LRRC4C: variants seen among roughly 807,000 people sequenced by gnomAD.
LRRC4C encodes leucine-rich repeat-containing protein 4C.
Under a neutral mutation model 33.6 loss-of-function variants are expected in LRRC4C, and 5 were observed. That is an observed-to-expected ratio of 0.15 (90% CI 0.08 to 0.31). LRRC4C has a LOEUF of 0.31. Ranked by LOEUF, LRRC4C falls within the 10% of genes least tolerant of loss-of-function variation. The pLI, the probability that LRRC4C is intolerant of heterozygous loss-of-function variation, is 1.00. For synonymous variants in LRRC4C, 329 were observed against 302.0 expected (o/e 1.09, Z -0.93); for missense variants, 560 against 796.7 (o/e 0.70, Z 3.58).
chr11:40,854,070 G>T (rs747635384), intron 2 of LRRC4C, among the ~76,000 whole-genome samples: 2 of 152,170 alleles, frequency 1.3e-5, no homozygotes, highest in Admixed American at 6.5e-5. Flanking sequence ...CAGAAAAAAA[G>T]AATGTATCTC....
chr11:41,448,558 C>T (rs747995196), intron 1 of LRRC4C, among the ~76,000 whole-genome samples: 18 of 152,034 alleles, frequency 1.2e-4, no homozygotes, highest in Admixed American at 3.9e-4. Flanking sequence ...CATGTGCCTC[C>T]GCCTCCCAAA....
intron 4 of LRRC4C, among the ~76,000 whole-genome samples, chr11:40,277,593 A>T (rs1167125524): frequency 1.3e-5 from 2 of 152,094 alleles, no homozygotes; most frequent in Non-Finnish European, 2.9e-5. Flanking sequence ...CGGTAGTAGT[A>T]AGTAGTCCCA....
At chr11:40,769,474 A>G (rs567477543) in intron 2 of LRRC4C, among the ~76,000 whole-genome samples, 1 of 152,256 alleles carries the variant, frequency 6.6e-6, no homozygotes, top group African/African-American at 2.4e-5. Flanking sequence ...AAATAGAAAA[A>G]AAGAATCCTA....
intron 1 of LRRC4C, among the ~76,000 whole-genome samples, chr11:40,971,678 T>G (rs1253607416): frequency 3.3e-5 from 5 of 152,048 alleles, no homozygotes; most frequent in African/African-American, 1.2e-4. Flanking sequence ...CCCAGAATGG[T>G]AGATCCACTG....
chr11:40,915,244 C>A (rs1198003983), intron 2 of LRRC4C, among the ~76,000 whole-genome samples: 1 of 152,170 alleles, frequency 6.6e-6, no homozygotes, highest in Non-Finnish European at 1.5e-5. Context: ...CCAAGTCAAT[C>A]CTGAGCCAAA....
chr11:40,605,109 C>A (rs562107660), intron 3 of LRRC4C, among the ~76,000 whole-genome samples: 1 of 151,948 alleles, frequency 6.6e-6, no homozygotes, highest in East Asian at 1.9e-4. Flanking sequence ...CTGAGTATTC[C>A]GAACATTTTT....
intron 1 of LRRC4C, among the ~76,000 whole-genome samples, chr11:41,145,936 T>C (rs768545265): frequency 2.6e-5 from 4 of 152,190 alleles, no homozygotes; most frequent in Non-Finnish European, 5.9e-5. Flanking sequence ...AAATAACACA[T>C]TAGAGAATAT....
At chr11:40,900,314 A>C (rs1956148587) in intron 2 of LRRC4C, among the ~76,000 whole-genome samples, 1 of 151,992 alleles carries the variant, frequency 6.6e-6, no homozygotes, top group African/African-American at 2.4e-5. Context: ...TCATTTTCTT[A>C]ATTTATGGAA....
At chr11:40,327,221 A>G (rs1458974813) in intron 3 of LRRC4C, among the ~76,000 whole-genome samples, 2 of 152,332 alleles carry the variant, frequency 1.3e-5, no homozygotes, top group East Asian at 3.9e-4. Flanking sequence ...CCATGCAGAA[A>G]TCTGCCATTT....
At chr11:40,633,145 G>A (rs992623547) in intron 3 of LRRC4C, among the ~76,000 whole-genome samples, 4 of 152,104 alleles carry the variant, frequency 2.6e-5, no homozygotes, top group African/African-American at 7.2e-5. Context: ...TACTGGATCA[G>A]GGAGGGTCCA....
rs1447569199 is a variant in LRRC4C, at chr11:41,034,652, T to TTA, written c.-495-100931_-495-100930dup. 1.4e-4 allele frequency among the ~76,000 whole-genome samples: 20 copies of TTA among 141,684 alleles called. No individual in the cohort carries two copies. In the East Asian group the frequency reaches 1.4e-3, roughly 10 times the overall value. 93.0% of individuals were successfully genotyped at this position (141,684 alleles called of 152,430 possible). A position where few individuals can be genotyped will look rare whatever the true frequency, so the allele number is the denominator to read the frequency against. On this transcript the variant is annotated intron_variant, in intron 1 of 6. Transcript: ENST00000528697. The stretch of plus-strand genomic sequence containing the variant: ...ATATATATATATGAGGTGAGAGTTA[T>TTA]TATATATATATATGATATATATATA...
At chr11:40,986,090 C>A (rs1852972817) in intron 1 of LRRC4C, among the ~76,000 whole-genome samples, 2 of 151,924 alleles carry the variant, frequency 1.3e-5, no homozygotes, top group South Asian at 4.2e-4. Flanking sequence ...GAAAGTTTTC[C>A]ACATTATATT....
intron 2 of LRRC4C, among the ~76,000 whole-genome samples, chr11:40,894,667 G>T (rs1198930528): frequency 6.6e-6 from 1 of 152,016 alleles, no homozygotes; most frequent in Non-Finnish European, 1.5e-5. Context: ...TGATATTCAA[G>T]CTCTCCACCC....
Position 41,155,682 on chromosome 11 carries a change from T to G in LRRC4C, c.-495-221959A>C, listed in dbSNP as rs115554455. ...CTTTCCCTACTCTCCTATTCTTAAG[T>G]TAGGTTGTGCGTATAGATACTTTTG... is the stretch of plus-strand genomic sequence containing the variant. On this transcript the variant is annotated intron_variant, in intron 1 of 6. Coordinates refer to ENST00000528697, the MANE Select transcript of LRRC4C (RefSeq NM_001258419.2). Among the ~76,000 whole-genome samples the G allele has an allele frequency of 8.6e-3, 1,312 of 152,168 alleles. 22 individuals are homozygous for G. The highest frequency in any genetic ancestry group is 0.03 in the African/African-American group (1,243 of 41,536).
chr11:40,674,699 C>T (rs924373753), intron 2 of LRRC4C, among the ~76,000 whole-genome samples: 10 of 151,848 alleles, frequency 6.6e-5, no homozygotes, highest in African/African-American at 2.4e-4. Flanking sequence ...GCTTCCATGC[C>T]AAAACTGTTT....
intron 3 of LRRC4C, among the ~76,000 whole-genome samples, chr11:40,494,071 G>A (rs191811715): frequency 1.7e-3 from 265 of 152,104 alleles, no homozygotes; most frequent in African/African-American, 5.9e-3. Context: ...ATCTAATGAA[G>A]GCCAAGGCTT....
chr11:41,188,674 G>A (rs374528333), intron 1 of LRRC4C, among the ~76,000 whole-genome samples: 1 of 149,454 alleles, frequency 6.7e-6, no homozygotes, highest in Non-Finnish European at 1.5e-5. Context: ...CTAAATGAAG[G>A]GGGAGCCTAG....
intron 2 of LRRC4C, among the ~76,000 whole-genome samples, chr11:40,650,057 A>C (rs1021533): frequency 0.056 from 8,533 of 152,296 alleles, 799 homozygotes; most frequent in African/African-American, 0.19. Context: ...AATCTGGCCT[A>C]AGACAAATGA....
chr11:41,258,735 G>A (rs1023281965), intron 1 of LRRC4C, among the ~76,000 whole-genome samples: 2 of 151,820 alleles, frequency 1.3e-5, no homozygotes, highest in African/African-American at 4.8e-5. Context: ...TAAAACATAG[G>A]CATTTTTACT....
Sources: allele counts gnomAD v4.1 joint callset (sites outside exome capture counted in the v4.1 genomes callset), GRCh38; gene constraint gnomAD v4.1.1; transcripts MANE v1.5; gene names NCBI Gene and HGNC (gene_info 2026-07-23, HGNC 2026-07-21).